The following EXOC4 variants were observed in gnomAD, a reference collection of about 807,000 sequenced individuals.
The protein encoded by EXOC4 is SEC8-like 1.
In EXOC4, 71 loss-of-function variants were observed where a neutral mutation model predicts 107.2. The observed-to-expected ratio is 0.66, with a 90% confidence interval of 0.55 to 0.81. The LOEUF (loss-of-function observed/expected upper bound fraction) is 0.81. EXOC4 is among the 30% of genes least tolerant of loss of function. The pLI, the probability that EXOC4 is intolerant of heterozygous loss-of-function variation, is 0.00. For missense variants in EXOC4, 1,108 were observed against 1,189.6 expected (o/e 0.93, Z 1.01); for synonymous variants, 456 against 441.2 (o/e 1.03, Z -0.42).
At chr7:133,361,532 G>A (rs1009811808) in intron 6 of EXOC4, among the ~76,000 whole-genome samples, 1 of 152,112 alleles carries the variant, frequency 6.6e-6, no homozygotes, top group Non-Finnish European at 1.5e-5. Context: ...TGCCTGCCTC[G>A]GCCTCCCGAG....
chr7:133,597,554 CAAAAA>C (rs58399632), intron 9 of EXOC4, among the ~76,000 whole-genome samples: 3 of 96,076 alleles, frequency 3.1e-5, no homozygotes, highest in Non-Finnish European at 5.9e-5. Context: ...AACTCTGTTT[CAAAAA>C]AAAAAAAAAA....
rs551000046 is a variant in EXOC4 at position 133,556,549 on chromosome 7, T to C, written c.1418-73496T>C. ...GCACCAACTTTAATCAAATATACCA[T>C]GTCAGATTTTGGAAGAAACCAAAAT... On this transcript the variant is annotated intron_variant, in intron 9 of 17. Transcript: ENST00000253861. Among the ~76,000 whole-genome samples the C allele has an allele frequency of 2.0e-5, 3 of 152,228 alleles. No individual in the cohort carries two copies. The South Asian group carries it at 6.2e-4, about 32-fold the overall frequency.
chr7:133,800,310 C>T (rs1384048734), intron 10 of EXOC4, among the ~76,000 whole-genome samples: 1 of 152,062 alleles, frequency 6.6e-6, no homozygotes, highest in East Asian at 1.9e-4. Context: ...ATAAATATAT[C>T]CTTCAATCAT....
intron 5 of EXOC4, among the ~76,000 whole-genome samples, chr7:133,349,083 G>C (rs1795849909): frequency 6.6e-6 from 1 of 151,652 alleles, no homozygotes; most frequent in African/African-American, 2.4e-5. Context: ...TTGTGTAAGT[G>C]ATTATATCAT....
At chr7:133,666,024 T>G (rs1793804984) in intron 10 of EXOC4, among the ~76,000 whole-genome samples, 1 of 152,188 alleles carries the variant, frequency 6.6e-6, no homozygotes, top group Non-Finnish European at 1.5e-5. Flanking sequence ...ATTTGTTTCC[T>G]TCAGCTTTCC....
chr7:133,446,348 C>T lies in EXOC4; in HGVS notation c.1183-28980C>T, dbSNP rs552548628. 1.7e-3 allele frequency among the ~76,000 whole-genome samples: 257 copies of T among 152,186 alleles called. 1 individual carries two copies. In the Middle Eastern group the frequency reaches 0.017, roughly 10 times the overall value. ...ATTGAGAGAGATGCTTTTTATTTTT[C>T]GCCCTACTCTGTGCTGTAAAATTAT... On this transcript the variant is annotated intron_variant, in intron 7 of 17. Transcript: ENST00000253861.
At chr7:133,881,969 A>G (rs1355757714) in intron 11 of EXOC4, among the ~76,000 whole-genome samples, 1 of 152,128 alleles carries the variant, frequency 6.6e-6, no homozygotes, top group Non-Finnish European at 1.5e-5. Context: ...TCATGTAACC[A>G]CCAACCAGAT....
intron 11 of EXOC4, among the ~76,000 whole-genome samples, chr7:133,863,567 G>T (rs1051587807): frequency 2.0e-5 from 3 of 152,220 alleles, no homozygotes; most frequent in Non-Finnish European, 4.4e-5. Context: ...AGTCCAGCAA[G>T]AGAGGCTTCT....
At chr7:133,516,778 A>ATTTTTTTTT (rs1799885289) in intron 9 of EXOC4, among the ~76,000 whole-genome samples, 3 of 3,430 alleles carry the variant, frequency 8.7e-4, no homozygotes, top group African/African-American at 2.6e-3. Flanking sequence ...TTTTTACAGA[A>ATTTTTTTTT]TTTATACCAC....
intron 9 of EXOC4, among the ~76,000 whole-genome samples, chr7:133,625,764 T>C (rs185948355): frequency 1.3e-5 from 2 of 152,270 alleles, no homozygotes; most frequent in East Asian, 3.9e-4. Flanking sequence ...CAGTTTCCCT[T>C]GCATTCCAGC....
intron 11 of EXOC4, among the ~76,000 whole-genome samples, chr7:133,841,816 C>G (rs191696714): frequency 2.6e-5 from 4 of 152,168 alleles, no homozygotes; most frequent in African/African-American, 9.7e-5. Flanking sequence ...CCTCTTCCCA[C>G]CCACCACCCT....
chr7:133,793,302 G>A (rs1176248500), intron 10 of EXOC4, among the ~76,000 whole-genome samples: 3 of 151,966 alleles, frequency 2.0e-5, no homozygotes, highest in African/African-American at 7.3e-5. Context: ...GGAAGTTTGG[G>A]GGGCTACAGC....
chr7:133,622,057 C>T (rs557751712), intron 9 of EXOC4, among the ~76,000 whole-genome samples: 2 of 152,128 alleles, frequency 1.3e-5, no homozygotes, highest in Admixed American at 6.6e-5. Context: ...TCACTGCAAC[C>T]TTGCACTCCT....
At chr7:133,502,801 C>T (rs1292279979) in intron 9 of EXOC4, among the ~76,000 whole-genome samples, 2 of 152,148 alleles carry the variant, frequency 1.3e-5, no homozygotes, top group African/African-American at 4.8e-5. Flanking sequence ...TTCATCTTGT[C>T]TCCTCTTAAT....
At chr7:133,915,263 TTCA>T (rs869205930) in intron 12 of EXOC4, among the ~76,000 whole-genome samples, 1 of 151,326 alleles carries the variant, frequency 6.6e-6, no homozygotes, top group African/African-American at 2.5e-5. Flanking sequence ...CATTCATTCA[TTCA>T]TTTTTAAAAT....
At chr7:133,440,358 AC>A (rs1328794598) in intron 7 of EXOC4, among the ~76,000 whole-genome samples, 1 of 130,168 alleles carries the variant, frequency 7.7e-6, no homozygotes, top group African/African-American at 2.9e-5. Flanking sequence ...CTCCACCCCC[AC>A]CCCCCCATTA....
At chr7:133,760,335 C>T (rs935625319) in intron 10 of EXOC4, among the ~76,000 whole-genome samples, 1 of 152,046 alleles carries the variant, frequency 6.6e-6, no homozygotes, top group Non-Finnish European at 1.5e-5. Flanking sequence ...GAAACTTTTC[C>T]AAAATATTGT....
intron 9 of EXOC4, among the ~76,000 whole-genome samples, chr7:133,625,944 C>T (rs1357324540): frequency 6.6e-6 from 1 of 152,164 alleles, no homozygotes; most frequent in African/African-American, 2.4e-5. Flanking sequence ...CGGTGGCTCA[C>T]AGCTGTAATC....
chr7:133,925,530 A>G (rs2116672533), intron 13 of EXOC4, among the ~76,000 whole-genome samples: 1 of 152,288 alleles, frequency 6.6e-6, no homozygotes, highest in East Asian at 1.9e-4. Context: ...CAAAGAGGAC[A>G]GGGAAGGAGC....
Sources: gnomAD v4.1 joint callset for allele counts (sites outside exome capture counted in the v4.1 genomes callset) on GRCh38, gnomAD v4.1.1 for gene constraint, MANE v1.5 for transcripts, NCBI Gene and HGNC (gene_info 2026-07-23, HGNC 2026-07-21) for gene names.